CSMD1: variants seen among roughly 807,000 people sequenced by gnomAD.
The protein encoded by CSMD1 is CUB and sushi domain-containing protein 1.
Under a neutral mutation model 417.5 loss-of-function variants are expected in CSMD1, and 213 were observed. The ratio of observed to expected loss-of-function variants is 0.51; its 90% CI spans 0.46 to 0.57. CSMD1 has a LOEUF of 0.57. Ranked by LOEUF, CSMD1 falls within the 20% of genes least tolerant of loss-of-function variation. The pLI, the probability that CSMD1 is intolerant of heterozygous loss-of-function variation, is 0.00. For missense variants in CSMD1, 6,923 were observed against 4,529.7 expected (o/e 1.53, Z -15.17); for synonymous variants, 2,862 against 1,736.8 (o/e 1.65, Z -16.11).
At chr8:3,170,396 G>C (rs969607496) in intron 37 of CSMD1, among the ~76,000 whole-genome samples, 1 of 152,152 alleles carries the variant, frequency 6.6e-6, no homozygotes, top group African/African-American at 2.4e-5. Flanking sequence ...TTTTAGTAGA[G>C]ACGGGGTTTC....
At chr8:3,116,777 G>A (rs1177896448) in intron 42 of CSMD1, among the ~76,000 whole-genome samples, 2 of 151,888 alleles carry the variant, frequency 1.3e-5, no homozygotes, top group African/African-American at 4.8e-5. Flanking sequence ...TCAAGCCAGA[G>A]TCTACCATTT....
intron 8 of CSMD1, among the ~76,000 whole-genome samples, chr8:3,595,756 C>T (rs1801060936): frequency 6.6e-6 from 1 of 152,168 alleles, no homozygotes; most frequent in Non-Finnish European, 1.5e-5. Flanking sequence ...GTAAACCTGC[C>T]ATTTGCTAAA....
rs983759077 is a variant in CSMD1, at chr8:3,752,467, C to G, written c.931+1463G>C. Among the ~76,000 whole-genome samples the G allele has an allele frequency of 3.3e-5, 5 of 151,910 alleles. 1 individual carries two copies. The South Asian group carries it at 1.0e-3, about 31-fold the overall frequency. On this transcript the variant is annotated intron_variant, in intron 6 of 69. Coordinates refer to ENST00000635120, the MANE Select transcript of CSMD1 (RefSeq NM_033225.6). ...GTCAGGAGTTCAAGACCAGCCTGGC[C>G]AACATGGCGAAACCCCATCTCTACT...
chr8:3,081,830 A>G (rs1437592374), intron 49 of CSMD1, among the ~76,000 whole-genome samples: 1 of 152,210 alleles, frequency 6.6e-6, no homozygotes, highest in East Asian at 1.9e-4. Context: ...AAACTAATTT[A>G]AAATCCACTG....
At position 3,930,230 on chromosome 8, in the gene CSMD1, G is replaced by GT. The variant is rs746587764; in HGVS notation, c.818+67672dup. 1.2e-3 allele frequency among the ~76,000 whole-genome samples: 174 copies of GT among 150,348 alleles called. 6 individuals carry two copies. The highest frequency in any genetic ancestry group is 2.4e-3 in the Admixed American group (36 of 15,130). ...TCTATACGTGACAAGTAAAGTAGAG[G>GT]TCCTTCTTCAAAGACTTTCCTCCCC... On this transcript the variant is annotated intron_variant, in intron 5 of 69. Coordinates refer to ENST00000635120, the MANE Select transcript of CSMD1 (RefSeq NM_033225.6).
intron 5 of CSMD1, among the ~76,000 whole-genome samples, chr8:3,781,734 T>A (rs73658263): frequency 0.015 from 2,359 of 152,240 alleles, 42 homozygotes; most frequent in African/African-American, 0.054. Context: ...GGGGCCAATA[T>A]TGCCCCTGAC....
chr8:4,921,986 G>C (rs1340230009), intron 1 of CSMD1, among the ~76,000 whole-genome samples: 1 of 152,092 alleles, frequency 6.6e-6, no homozygotes, highest in Non-Finnish European at 1.5e-5. Context: ...ATTTGCTTCA[G>C]ATCCAATCCT....
intron 1 of CSMD1, among the ~76,000 whole-genome samples, chr8:4,690,958 A>C (rs1359860508): frequency 6.6e-6 from 1 of 152,096 alleles, no homozygotes; most frequent in Non-Finnish European, 1.5e-5. Context: ...TGCTCTCTTG[A>C]GCTCATGATC....
chr8:4,944,621 G>A (rs1185535217), intron 1 of CSMD1, among the ~76,000 whole-genome samples: 3 of 152,070 alleles, frequency 2.0e-5, no homozygotes, highest in Non-Finnish European at 4.4e-5. Context: ...AAATGTATGC[G>A]GACTGGCCAA....
chr8:4,716,179 T>C (rs1808643816), intron 1 of CSMD1, among the ~76,000 whole-genome samples: 1 of 152,166 alleles, frequency 6.6e-6, no homozygotes. Flanking sequence ...GGAATCCCCC[T>C]GAGCAGGCGC....
At chr8:3,353,774 T>C (rs960353747) in intron 21 of CSMD1, among the ~76,000 whole-genome samples, 1 of 152,140 alleles carries the variant, frequency 6.6e-6, no homozygotes. Context: ...CACAGTTTCT[T>C]AATACAAATC....
chr8:3,893,936 C>G (rs1334518135), intron 5 of CSMD1, among the ~76,000 whole-genome samples: 2 of 152,002 alleles, frequency 1.3e-5, no homozygotes, highest in East Asian at 1.9e-4. Flanking sequence ...AGTTACCGCA[C>G]GTGTGCACCC....
At chr8:3,433,344 T>G (rs1315918168) in intron 12 of CSMD1, among the ~76,000 whole-genome samples, 1 of 152,222 alleles carries the variant, frequency 6.6e-6, no homozygotes, top group Admixed American at 6.5e-5. Flanking sequence ...ACTGTTTTTC[T>G]GCAAATATTT....
At chr8:3,528,100 T>C (rs1797829253) in intron 10 of CSMD1, among the ~76,000 whole-genome samples, 1 of 152,156 alleles carries the variant, frequency 6.6e-6, no homozygotes, top group African/African-American at 2.4e-5. Flanking sequence ...CAGGGGGAAA[T>C]GAGGAATACT....
chr8:3,692,223 G>A (rs1800288243), intron 7 of CSMD1, among the ~76,000 whole-genome samples: 1 of 152,058 alleles, frequency 6.6e-6, no homozygotes, highest in Non-Finnish European at 1.5e-5. Context: ...AGTGTCCTGG[G>A]GGCAAAATCC....
At chr8:4,678,131 TC>T (rs1054638639) in intron 1 of CSMD1, among the ~76,000 whole-genome samples, 3 of 151,756 alleles carry the variant, frequency 2.0e-5, no homozygotes, top group African/African-American at 4.9e-5. Flanking sequence ...AAAGAATTTT[TC>T]TTTTTTTTTT....
intron 7 of CSMD1, among the ~76,000 whole-genome samples, chr8:3,689,987 A>G (rs1324456453): frequency 6.6e-6 from 1 of 152,264 alleles, no homozygotes; most frequent in South Asian, 2.1e-4. Context: ...CATATGCCTA[A>G]TATTTTAACA....
At chr8:4,861,477 T>C (rs193271938) in intron 1 of CSMD1, among the ~76,000 whole-genome samples, 21 of 152,220 alleles carry the variant, frequency 1.4e-4, no homozygotes, top group African/African-American at 4.6e-4. Context: ...CAATCCTTTA[T>C]GTATGTTTGT....
rs559776626 is a variant in CSMD1 at position 3,463,012 on chromosome 8, A to AG, written c.1561+5699dup. Among the ~76,000 whole-genome samples, 133 of 152,364 alleles carry AG rather than the reference A, an allele frequency of 8.7e-4. 1 individual carries two copies. The highest frequency in any genetic ancestry group is 3.4e-3 in the Middle Eastern group (1 of 294). ...TCCACCACGTGAGGACACAGTGAGA[A>AG]GGCGCCATCTATGAACCAGGAAACG... On this transcript the variant is annotated intron_variant, in intron 12 of 69. Transcript: ENST00000635120.
Sources: gnomAD v4.1 joint callset for allele counts (sites outside exome capture counted in the v4.1 genomes callset) on GRCh38, gnomAD v4.1.1 for gene constraint, MANE v1.5 for transcripts, NCBI Gene and HGNC (gene_info 2026-07-23, HGNC 2026-07-21) for gene names.